DHX58: variants seen among roughly 807,000 people sequenced by gnomAD.
The protein encoded by DHX58 is DExH-box helicase 58.
DHX58 carries 51 observed loss-of-function variants against 65.0 expected under a neutral mutation model. The observed-to-expected ratio is 0.78, with a 90% CI of 0.63 to 0.99. The LOEUF is 0.99. Among genes scored for constraint, DHX58 ranks in the 50% least tolerant of loss-of-function variants. DHX58 has a pLI of 0.00. For synonymous variants in DHX58, 350 were observed against 365.0 expected (o/e 0.96, Z 0.47); for missense variants, 773 against 891.8 (o/e 0.87, Z 1.70).
intron 8 of DHX58, 152 bp from the exon 9 acceptor site, chr17:42,106,141 A>C: frequency 1.7e-6 from 1 of 603,390 alleles, no homozygotes; most frequent in Non-Finnish European, 2.6e-6. Context: ...GCTGTGTAAC[A>C]GAGTGAGACT....
chr17:42,107,655 T>G lies in DHX58; in HGVS notation c.946A>C (p.Thr316Pro). The G allele has an allele frequency of 6.2e-7, 1 of 1,612,910 alleles. No individual in the cohort carries two copies. The highest frequency in any genetic ancestry group is 8.5e-7 in the Non-Finnish European group (1 of 1,179,662). ...TCGGCACACAGGATCTGGGTTTTAG[T>G]GACGTGCTCCCTGTGATAGAAATCC... ...LQDFYHREHV[T>P]KTQILCAERR... The change falls in exon 8 of 14, where the codon ACT (threonine) becomes CCT (proline). Residue 316 changes from threonine (T) to proline (P), a missense_variant. Thr to Pro is a conservative substitution (Grantham distance 38). Transcript: ENST00000251642.
chr17:42,103,034 C>T (rs1434152831), intron 12 of DHX58, among the ~76,000 whole-genome samples: 3 of 152,072 alleles, frequency 2.0e-5, no homozygotes, highest in African/African-American at 7.2e-5. Flanking sequence ...GTGATCTACC[C>T]ACCTCCGCCT....
chr17:42,108,713 G>C (rs1413820193), intron 6 of DHX58, among the ~76,000 whole-genome samples: 1 of 152,252 alleles, frequency 6.6e-6, no homozygotes, highest in African/African-American at 2.4e-5. Flanking sequence ...TGCAGGCGTG[G>C]GGGCAGCAGG....
At chr17:42,106,150 CTCTG>C (rs1381932576) in intron 8 of DHX58, among the ~76,000 whole-genome samples, 161 bp from the exon 9 acceptor site, 2 of 140,248 alleles carry the variant, frequency 1.4e-5, no homozygotes, top group African/African-American at 5.4e-5. Context: ...CAGAGTGAGA[CTCTG>C]TCTGGGAAAA....
chr17:42,111,211 C>T (rs942232780), intron 4 of DHX58, 85 bp downstream of exon 4: 6 of 1,519,828 alleles, frequency 3.9e-6, no homozygotes, highest in South Asian at 1.2e-5. Context: ...AAACTCCCAA[C>T]ACCTTGACTC....
At position 42,104,930 on chromosome 17, in the gene DHX58, G is replaced by A. The variant is rs1555662280; in HGVS notation, c.1402-3C>T. 26 of 1,614,020 alleles carry A rather than the reference G, an allele frequency of 1.6e-5. No homozygotes were observed. The highest frequency in any genetic ancestry group is 2.2e-5 in the Non-Finnish European group (26 of 1,180,014). ...TCGGCCCGGGCACGGCCCCTGGCCT[G>A]GGAAGAGAGACAAGGGGTGTCCTGA... is the stretch of plus-strand genomic sequence containing the variant. On this transcript the variant is annotated splice_polypyrimidine_tract_variant and splice_region_variant and intron_variant, in intron 10 of 13. Transcript: ENST00000251642.
chr17:42,101,797 A>G lies in DHX58; in HGVS notation c.2001T>C (p.His667=). 2 of 1,614,236 alleles carry G rather than the reference A, an allele frequency of 1.2e-6. No homozygotes were observed. The highest frequency in any genetic ancestry group is 1.7e-6 in the Non-Finnish European group (2 of 1,180,040). Residue 667 remains histidine, a synonymous_variant, in exon 14 of 14, where the codon CAT becomes CAC. Transcript: ENST00000251642. ...AGAGGTCCGACAAGTTCTCGGCACAATGCTGCAGGAAGTCAAAGTCAGGCA... is the reference window on the plus strand; with the variant it reads ...AGAGGTCCGACAAGTTCTCGGCACAGTGCTGCAGGAAGTCAAAGTCAGGCA... ...FSVPDFDFLQ[H]CAENLSDLSL... is the part of the protein sequence containing the mutation.
Position 42,101,754 on chromosome 17 carries a change from G to A in DHX58, c.*7C>T. ...AGCCCAAACCGGGCACTGCAGCAAT[G>A]AGGTGGTCAGTCCAGGGAGAGGTCC... is the stretch of plus-strand genomic sequence containing the variant. On this transcript the variant is annotated 3_prime_UTR_variant, in exon 14 of 14. Coordinates refer to ENST00000251642, the MANE Select transcript of DHX58 (RefSeq NM_024119.3). 1 of 1,613,768 alleles carries A rather than the reference G, an allele frequency of 6.2e-7. No individual in the cohort carries two copies. Among genetic ancestry groups the A allele is most frequent in the Non-Finnish European group, 8.5e-7 (1 of 1,179,824 alleles).
At chr17:42,109,694 G>C (rs1347636825) in intron 5 of DHX58, among the ~76,000 whole-genome samples, 9 of 152,038 alleles carry the variant, frequency 5.9e-5, no homozygotes, top group Admixed American at 5.9e-4. Context: ...TCAGGAGTTT[G>C]AGACAGCCTG....
intron 1 of DHX58, 23 bp downstream of exon 1, chr17:42,112,582 G>GGT (rs56831825): frequency 1.6e-5 from 2 of 122,040 alleles, no homozygotes; most frequent in East Asian, 4.3e-4. Flanking sequence ...GGTGGGGGGG[G>GGT]GTGGGAGTAA....
rs782406125 is a variant in DHX58 at position 42,103,796 on chromosome 17, G to A, written c.1566C>T (p.Ile522=). The A allele has an allele frequency of 6.2e-7, 1 of 1,603,734 alleles. No homozygotes were observed. Among genetic ancestry groups the A allele is most frequent in the East Asian group, 2.2e-5 (1 of 44,830 alleles). Reference sequence around the variant, plus strand: ...TCAAGGCTGCCTGCTGCAGATCCCGGATCTGGGGTGGGAGGAGACACCAGG... The same window carrying A: ...TCAAGGCTGCCTGCTGCAGATCCCGAATCTGGGGTGGGAGGAGACACCAGG... ...KMDQAEYQAK[I]RDLQQAALTK... is the part of the protein sequence containing the mutation. Residue 522 remains isoleucine, a splice_region_variant and synonymous_variant, in exon 12 of 14, where the codon ATC becomes ATT. Coordinates refer to ENST00000251642, the MANE Select transcript of DHX58 (RefSeq NM_024119.3).
Position 42,105,745 on chromosome 17 carries a change from G to T in DHX58, c.1242C>A (p.His414Gln). 1 of 1,580,160 alleles carries T rather than the reference G, an allele frequency of 6.3e-7. No homozygotes were observed. Among genetic ancestry groups the T allele is most frequent in the Non-Finnish European group, 8.6e-7 (1 of 1,163,284 alleles). ...IGAGNSSQST[H>Q]MTQRDQQEVI... ...TCCCCGAAGCCCACACCTGGGTCAT[G>T]TGGGTGCTCTGGCTGCTGTTCCCAG... The change falls in exon 9 of 14, where the codon CAC becomes CAA. Residue 414 changes from histidine (H) to glutamine (Q), a missense_variant. Coordinates refer to ENST00000251642, the MANE Select transcript of DHX58 (RefSeq NM_024119.3).
Position 42,107,624 on chromosome 17 carries a change from C to T in DHX58, c.977G>A (p.Arg326Gln). ...TKTQILCAER[R>Q]LLALFDDRKN... The stretch of plus-strand genomic sequence containing the variant: ...CTCACCATCGAACAGGGCCAGCAGC[C>T]GGCGCTCGGCACACAGGATCTGGGT... The change falls in exon 8 of 14, where the codon CGG becomes CAG. Residue 326 changes from arginine (R) to glutamine (Q), a missense_variant. Coordinates refer to ENST00000251642, the MANE Select transcript of DHX58 (RefSeq NM_024119.3). The T allele has an allele frequency of 1.2e-6, 2 of 1,606,702 alleles. No individual in the cohort carries two copies. The highest frequency in any genetic ancestry group is 2.2e-5 in the South Asian group (2 of 90,156).
intron 3 of DHX58, 113 bp from the exon 4 acceptor site, chr17:42,111,610 G>T (rs2054156730): frequency 6.4e-7 from 1 of 1,570,636 alleles, no homozygotes; most frequent in African/African-American, 1.3e-5. Flanking sequence ...TGGAAAGACA[G>T]GTGAGCTTAG....
chr17:42,111,898 G>A lies in DHX58; in HGVS notation c.-1-5C>T. On this transcript the variant is annotated splice_region_variant and splice_polypyrimidine_tract_variant and intron_variant, in intron 2 of 13. Coordinates refer to ENST00000251642, the MANE Select transcript of DHX58 (RefSeq NM_024119.3). ...TGGTAGGACCGAAGCTCCATTCTGG[G>A]AATGGCAGGGGACTCAGACCCACCG... 6.2e-7 allele frequency: 1 copy of A among 1,603,688 alleles called. No individual in the cohort carries two copies.
At chr17:42,104,341 A>G (rs1456067260) in intron 11 of DHX58, among the ~76,000 whole-genome samples, 1 of 152,186 alleles carries the variant, frequency 6.6e-6, no homozygotes, top group Non-Finnish European at 1.5e-5. Flanking sequence ...ATGGGGCATC[A>G]TTAACAATTA....
rs567856076 is a variant in DHX58, at chr17:42,107,214, T to A, written c.997+390A>T. ...CCGCCTCTTCAAAAAAAATTTTTTT[T>A]AATTAGCTGGGAGTGGTGGTGCCCA... is the stretch of plus-strand genomic sequence containing the variant. On this transcript the variant is annotated intron_variant, in intron 8 of 13. Coordinates refer to ENST00000251642, the MANE Select transcript of DHX58 (RefSeq NM_024119.3). 6.6e-5 allele frequency among the ~76,000 whole-genome samples: 10 copies of A among 152,082 alleles called. No individual in the cohort carries two copies. The South Asian group carries it at 1.0e-3, about 16-fold the overall frequency.
In DHX58 at chr17:42,105,717, CT is replaced by C; in HGVS notation, c.1251+18del. On this transcript the variant is annotated intron_variant, in intron 9 of 13. Transcript: ENST00000251642. ...ATGGAATCCCTCCCAGCGCCAGCAT[CT>C]TTCCCCGAAGCCCACACCTGGGTCA... 2 of 1,533,856 alleles carry C rather than the reference CT, an allele frequency of 1.3e-6. No individual in the cohort carries two copies. Among genetic ancestry groups the C allele is most frequent in the Non-Finnish European group, 1.7e-6 (2 of 1,142,906 alleles).
Position 42,101,809 on chromosome 17 carries a change from G to T in DHX58, c.1989C>A (p.Asp663Glu). 6.2e-7 allele frequency: 1 copy of T among 1,614,256 alleles called. No homozygotes were observed. The highest frequency in any genetic ancestry group is 8.5e-7 in the Non-Finnish European group (1 of 1,180,054). ...SRVPFSVPDF[D>E]FLQHCAENLS... ...AGTTCTCGGCACAATGCTGCAGGAAGTCAAAGTCAGGCACGGAGAAGGGCA... is the reference window on the plus strand; with the variant it reads ...AGTTCTCGGCACAATGCTGCAGGAATTCAAAGTCAGGCACGGAGAAGGGCA... Residue 663 changes from aspartate (D) to glutamate (E), a missense_variant, in exon 14 of 14, where the codon GAC (aspartate) becomes GAA (glutamate). Coordinates refer to ENST00000251642, the MANE Select transcript of DHX58 (RefSeq NM_024119.3).
Sources: allele counts gnomAD v4.1 joint callset (sites outside exome capture counted in the v4.1 genomes callset), GRCh38; gene constraint gnomAD v4.1.1; transcripts MANE v1.5; gene names NCBI Gene and HGNC (gene_info 2026-07-23, HGNC 2026-07-21).